SUMF1: variants seen among roughly 807,000 people sequenced by gnomAD.
SUMF1 encodes formylglycine-generating enzyme.
In SUMF1, 48 loss-of-function variants were observed where a neutral mutation model predicts 47.6. The ratio of observed to expected loss-of-function variants is 1.01; its 90% CI spans 0.80 to 1.28. SUMF1 has a LOEUF of 1.28. Ranked by LOEUF, SUMF1 falls within the 50% of genes most tolerant of loss-of-function variation. The pLI is 0.00. For missense variants in SUMF1, 571 were observed against 485.4 expected (o/e 1.18, Z -1.66); for synonymous variants, 230 against 192.1 (o/e 1.20, Z -1.63).
chr3:4,267,547 T>C (rs1697221193), intron 8 of SUMF1, among the ~76,000 whole-genome samples: 1 of 152,194 alleles, frequency 6.6e-6, no homozygotes, highest in South Asian at 2.1e-4. Context: ...TGGTAGTTTG[T>C]ATTTCTGTGG....
intron 8 of SUMF1, among the ~76,000 whole-genome samples, chr3:4,174,898 G>T (rs2600130): frequency 6.6e-6 from 1 of 151,978 alleles, no homozygotes; most frequent in African/African-American, 2.4e-5. Flanking sequence ...GCCTGGCTCG[G>T]CAGCTCCCAC....
chr3:4,269,553 T>C (rs1697264751), intron 8 of SUMF1, among the ~76,000 whole-genome samples: 1 of 152,128 alleles, frequency 6.6e-6, no homozygotes. Flanking sequence ...TCCAAATTAC[T>C]TGGTATTTGC....
intron 8 of SUMF1, among the ~76,000 whole-genome samples, chr3:4,077,970 C>T (rs1222597082): frequency 6.6e-6 from 1 of 152,002 alleles, no homozygotes; most frequent in African/African-American, 2.4e-5. Context: ...ATATTTTAGT[C>T]CTTTTCATGG....
chr3:4,151,641 C>A (rs1358277630), intron 8 of SUMF1, among the ~76,000 whole-genome samples: 1 of 147,336 alleles, frequency 6.8e-6, no homozygotes, highest in South Asian at 2.1e-4. Context: ...CTGGACCACA[C>A]TGGAAGAAGA....
chr3:4,383,318 G>A (rs763151436), intron 7 of SUMF1, among the ~76,000 whole-genome samples: 3 of 152,206 alleles, frequency 2.0e-5, no homozygotes, highest in Non-Finnish European at 2.9e-5. Flanking sequence ...GGCGGAGGCT[G>A]CAGTGAGCCA....
chr3:4,055,777 T>C (rs1187558217), intron 9 of SUMF1, among the ~76,000 whole-genome samples: 4 of 152,168 alleles, frequency 2.6e-5, no homozygotes, highest in African/African-American at 9.7e-5. Context: ...CCTAAAAATT[T>C]GTATCTTACA....
At chr3:4,113,267 A>C (rs895908320) in intron 8 of SUMF1, among the ~76,000 whole-genome samples, 1 of 152,090 alleles carries the variant, frequency 6.6e-6, no homozygotes, top group Non-Finnish European at 1.5e-5. Flanking sequence ...AGTAGCTCAT[A>C]CCTGTAATCT....
rs565670286 is a variant in SUMF1, at chr3:4,449,772, G to T, written c.445-432C>A. ...TTCTGACACATTCTAGTTCCACTAA[G>T]GGGTCAAATGTGCTTATAAATCTCA... On this transcript the variant is annotated intron_variant, in intron 2 of 8. Coordinates refer to ENST00000272902, the MANE Select transcript of SUMF1 (RefSeq NM_182760.4). 1.1e-4 allele frequency among the ~76,000 whole-genome samples: 16 copies of T among 152,288 alleles called. No homozygotes were observed. In the East Asian group the frequency reaches 2.9e-3, roughly 28 times the overall value.
chr3:4,219,248 T>C (rs1157419627), intron 8 of SUMF1, among the ~76,000 whole-genome samples: 1 of 152,196 alleles, frequency 6.6e-6, no homozygotes, highest in African/African-American at 2.4e-5. Context: ...TTCGACACTT[T>C]CCACATTTCA....
intron 8 of SUMF1, among the ~76,000 whole-genome samples, chr3:4,256,966 C>A: frequency 7.9e-6 from 1 of 126,704 alleles, no homozygotes; most frequent in African/African-American, 3.4e-5. Flanking sequence ...ATACACAAAT[C>A]AATAAATGTA....
chr3:4,375,659 C>T (rs1700304135), intron 8 of SUMF1, among the ~76,000 whole-genome samples: 1 of 152,044 alleles, frequency 6.6e-6, no homozygotes, highest in African/African-American at 2.4e-5. Flanking sequence ...TGCAAAATGC[C>T]ATCTCTGCAC....
intron 8 of SUMF1, among the ~76,000 whole-genome samples, chr3:4,189,083 C>A (rs768820421): frequency 6.6e-6 from 1 of 152,048 alleles, no homozygotes; most frequent in African/African-American, 2.4e-5. Context: ...TAAATCAGAA[C>A]ATGGTAGAAT....
At chr3:4,380,667 T>A (rs1700475844) in intron 7 of SUMF1, among the ~76,000 whole-genome samples, 1 of 152,202 alleles carries the variant, frequency 6.6e-6, no homozygotes, top group Admixed American at 6.5e-5. Context: ...TCGTGAATCC[T>A]GTCTCCAAAG....
chr3:4,161,182 GTCTC>G (rs141152706), intron 8 of SUMF1, among the ~76,000 whole-genome samples: 3,109 of 152,252 alleles, frequency 0.02, 117 homozygotes, highest in African/African-American at 0.07. Flanking sequence ...GACAAACGGA[GTCTC>G]TCTCTTTGTG....
intron 8 of SUMF1, among the ~76,000 whole-genome samples, chr3:4,295,524 A>G (rs1389794542): frequency 6.6e-6 from 1 of 152,106 alleles, no homozygotes; most frequent in African/African-American, 2.4e-5. Flanking sequence ...TGCAAAGCTT[A>G]CTACCTGGAA....
chr3:4,085,487 T>C (rs1340863902), intron 8 of SUMF1, among the ~76,000 whole-genome samples: 1 of 152,060 alleles, frequency 6.6e-6, no homozygotes, highest in African/African-American at 2.4e-5. Context: ...ATTAAGTACA[T>C]CTCTTCAAAG....
At chr3:4,121,461 G>C (rs1418865626) in intron 8 of SUMF1, among the ~76,000 whole-genome samples, 2 of 152,110 alleles carry the variant, frequency 1.3e-5, no homozygotes, top group Non-Finnish European at 2.9e-5. Context: ...CTTTAAACAT[G>C]ATAGTTGTGT....
intron 9 of SUMF1, among the ~76,000 whole-genome samples, chr3:4,055,551 T>C (rs1014741193): frequency 2.0e-5 from 3 of 152,132 alleles, no homozygotes; most frequent in Non-Finnish European, 4.4e-5. Flanking sequence ...AGAGTGATCA[T>C]AGCTCACTGT....
At chr3:4,089,612 T>C (rs1692742308) in intron 8 of SUMF1, among the ~76,000 whole-genome samples, 1 of 152,102 alleles carries the variant, frequency 6.6e-6, no homozygotes, top group Admixed American at 6.5e-5. Flanking sequence ...GATAAAAAAC[T>C]AAATTGCAGA....
Sources: gnomAD v4.1 joint callset for allele counts (sites outside exome capture counted in the v4.1 genomes callset) on GRCh38, gnomAD v4.1.1 for gene constraint, MANE v1.5 for transcripts, NCBI Gene and HGNC (gene_info 2026-07-23, HGNC 2026-07-21) for gene names.